The following TWIST2 variants were observed in gnomAD, a reference collection of about 807,000 sequenced individuals.
TWIST2 encodes the protein twist family bHLH transcription factor 2, also known as twist-related protein 2.
TWIST2 carries 1 observed loss-of-function variant against 11.6 expected under a neutral mutation model. The ratio of observed to expected loss-of-function variants is 0.09; its 90% confidence interval spans 0.03 to 0.41. The LOEUF (loss-of-function observed/expected upper bound fraction) is 0.41. Among genes scored for constraint, TWIST2 ranks in the 10% least tolerant of loss-of-function variants. TWIST2 has a pLI of 0.98. For synonymous variants in TWIST2, 87 were observed against 96.6 expected, an observed-to-expected ratio of 0.90 and a Z score of 0.58; for missense variants, 168 against 226.4, an observed-to-expected ratio of 0.74 and a Z score of 1.66.
rs1473372914 is a variant in TWIST2 at position 238,864,138 on chromosome 2, T to C, written c.*35+15405T>C. ...CCTTTGCCAGATGACCAAATCCTTT[T>C]CGGAGAGATGACTGAAATATTTGTA... On this transcript the variant is annotated intron_variant, in intron 1 of 1. Coordinates refer to ENST00000612363, the MANE Select transcript of TWIST2 (RefSeq NM_001271893.4). This position sits in a 1 kb window ranked among gnomAD's most constrained non-coding sequence, Gnocchi z 4.7. Among the ~76,000 whole-genome samples the C allele has an allele frequency of 6.6e-6, 1 of 151,822 alleles. No homozygotes were observed. The highest frequency in any genetic ancestry group is 1.5e-5 in the Non-Finnish European group (1 of 67,990).
intron 1 of TWIST2, among the ~76,000 whole-genome samples, chr2:238,855,330 G>A (rs1426859150): frequency 1.3e-5 from 2 of 152,184 alleles, no homozygotes; most frequent in Non-Finnish European, 2.9e-5. Flanking sequence ...GCATCTACAC[G>A]TCTCTGTTCA....
At position 238,864,096 on chromosome 2, in the gene TWIST2, G is replaced by C. The variant is rs1692484797; in HGVS notation, c.*35+15363G>C. Among the ~76,000 whole-genome samples the C allele has an allele frequency of 6.6e-6, 1 of 152,076 alleles. No homozygotes were observed. The highest frequency in any genetic ancestry group is 1.5e-5 in the Non-Finnish European group (1 of 68,014). On this transcript the variant is annotated intron_variant, in intron 1 of 1. Transcript: ENST00000612363. This position sits in a 1 kb window ranked among gnomAD's most constrained non-coding sequence, Gnocchi z 4.7. ...TGGGCTACATTTGACGCATATTTCT[G>C]GCAAATTCTGGGACCACCTTTGCCA...
rs1693349352 is a variant in TWIST2 at position 238,905,998 on chromosome 2, TGCGTGTGC to T, written c.*36-3842_*36-3835del. Among the ~76,000 whole-genome samples the T allele has an allele frequency of 4.0e-4, 41 of 102,368 alleles. 1 individual carries two copies. Among genetic ancestry groups the T allele is most frequent in the African/African-American group, 2.8e-4 (7 of 24,656 alleles). 67.2% of individuals were successfully genotyped at this position (102,368 alleles called of 152,430 possible). On this transcript the variant is annotated intron_variant, in intron 1 of 1. Transcript: ENST00000612363. ...GCGCGCGCGTGTACGTGCGCGTGTGTGCGTGTGCGTGTGTGGTTTTCATACGCATGGGT... is the reference window on the plus strand; with the variant it reads ...GCGCGCGCGTGTACGTGCGCGTGTGTGTGTGTGGTTTTCATACGCATGGGT...
At chr2:238,907,047 G>A (rs1472116976) in intron 1 of TWIST2, among the ~76,000 whole-genome samples, 1 of 152,224 alleles carries the variant, frequency 6.6e-6, no homozygotes, top group African/African-American at 2.4e-5. Context: ...CCAGGTCGCA[G>A]GGCCAGTCTT....
chr2:238,890,984 G>A (rs925957095), intron 1 of TWIST2, among the ~76,000 whole-genome samples: 1 of 152,194 alleles, frequency 6.6e-6, no homozygotes, highest in Admixed American at 6.5e-5. Flanking sequence ...TTTGTGGGCT[G>A]ATAAGAATCC....
At chr2:238,862,057 C>T (rs927204715) in intron 1 of TWIST2, among the ~76,000 whole-genome samples, 2 of 152,300 alleles carry the variant, frequency 1.3e-5, no homozygotes, top group South Asian at 2.1e-4. Context: ...CAGCTGTGGA[C>T]GGAACACCAC....
rs1414697379 is a variant in TWIST2 at position 238,902,171 on chromosome 2, G to GGT, written c.*36-7657_*36-7656dup. ...TGGCAGAACCTCAGGGGTGTGTAAT[G>GGT]GTGTGTGTGTGTGTGCAAGAGAGAG... On this transcript the variant is annotated intron_variant, in intron 1 of 1. Transcript: ENST00000612363. 2.6e-4 allele frequency among the ~76,000 whole-genome samples: 40 copies of GGT among 151,616 alleles called. No homozygotes were observed. In the South Asian group the frequency reaches 6.1e-3, roughly 23 times the overall value.
rs1574750249 is a variant in TWIST2, at chr2:238,864,040, A to T, written c.*35+15307A>T. Among the ~76,000 whole-genome samples, 2 of 152,150 alleles carry T rather than the reference A, an allele frequency of 1.3e-5. No homozygotes were observed. Among genetic ancestry groups the T allele is most frequent in the Admixed American group, 1.3e-4 (2 of 15,292 alleles). On this transcript the variant is annotated intron_variant, in intron 1 of 1. Coordinates refer to ENST00000612363, the MANE Select transcript of TWIST2 (RefSeq NM_001271893.4). This position sits in a 1 kb window ranked among gnomAD's most constrained non-coding sequence, Gnocchi z 4.7. ...CTTTCAGATTCTTCGCCATAATCTA[A>T]TTTTCGTTAAGCCTGTCTTCCTTTA... is the stretch of plus-strand genomic sequence containing the variant.
chr2:238,898,890 T>C (rs1212991769), intron 1 of TWIST2, among the ~76,000 whole-genome samples: 1 of 152,252 alleles, frequency 6.6e-6, no homozygotes, highest in Non-Finnish European at 1.5e-5. Flanking sequence ...TTTGGAAGCC[T>C]GTAGTCAGGC....
chr2:238,878,407 CCA>C, intron 1 of TWIST2, among the ~76,000 whole-genome samples: 1 of 152,264 alleles, frequency 6.6e-6, no homozygotes, highest in South Asian at 2.1e-4. Context: ...AGTATAAACG[CCA>C]GAGTGTGATG....
chr2:238,877,362 A>G (rs568205219), intron 1 of TWIST2, among the ~76,000 whole-genome samples: 10 of 152,310 alleles, frequency 6.6e-5, no homozygotes, highest in African/African-American at 2.2e-4. Flanking sequence ...AGCAGAAGAT[A>G]AAAGTATTAA....
intron 1 of TWIST2, 69 bp downstream of exon 1, chr2:238,848,802 G>C (rs1692182829): frequency 9.1e-6 from 11 of 1,211,660 alleles, no homozygotes; most frequent in Non-Finnish European, 1.1e-5. Context: ...AGGGGCATTG[G>C]GGCCTGCTCG....
At chr2:238,872,945 A>T (rs1002953486) in intron 1 of TWIST2, among the ~76,000 whole-genome samples, 3 of 152,194 alleles carry the variant, frequency 2.0e-5, no homozygotes, top group Non-Finnish European at 4.4e-5. Flanking sequence ...TGCTGGAGAC[A>T]TAAGAATGAC....
In TWIST2 at chr2:238,864,020, A is replaced by G. The variant is rs550311630; in HGVS notation, c.*35+15287A>G. On this transcript the variant is annotated intron_variant, in intron 1 of 1. Transcript: ENST00000612363. This position sits in a 1 kb window ranked among gnomAD's most constrained non-coding sequence, Gnocchi z 4.7. Reference sequence around the variant, plus strand: ...GGCACAGAATCTCTCATTTCCTTTCAGATTCTTCGCCATAATCTAATTTTC... The same window carrying G: ...GGCACAGAATCTCTCATTTCCTTTCGGATTCTTCGCCATAATCTAATTTTC... 1.4e-4 allele frequency among the ~76,000 whole-genome samples: 21 copies of G among 152,306 alleles called. No homozygotes were observed. In the South Asian group the frequency reaches 4.3e-3, roughly 32 times the overall value.
intron 1 of TWIST2, among the ~76,000 whole-genome samples, chr2:238,893,314 T>G (rs1574766568): frequency 2.9e-4 from 1 of 3,498 alleles, no homozygotes; most frequent in East Asian, 0.062. Flanking sequence ...AAACGGCCTA[T>G]TTTTTTCAAG....
intron 1 of TWIST2, among the ~76,000 whole-genome samples, chr2:238,890,072 G>A (rs1019611485): frequency 1.3e-5 from 2 of 152,210 alleles, no homozygotes; most frequent in African/African-American, 2.4e-5. Flanking sequence ...GGACAGCTGC[G>A]TGGAGGATAC....
At chr2:238,890,932 C>T (rs1693120932) in intron 1 of TWIST2, among the ~76,000 whole-genome samples, 2 of 152,142 alleles carry the variant, frequency 1.3e-5, no homozygotes, top group Admixed American at 1.3e-4. Flanking sequence ...TTCTCAGATG[C>T]CACGGGGTAG....
chr2:238,902,252 AGTTT>A (rs1249896599), intron 1 of TWIST2, among the ~76,000 whole-genome samples: 2 of 144,166 alleles, frequency 1.4e-5, no homozygotes, highest in Non-Finnish European at 3.0e-5. Flanking sequence ...TGTGGTAAGG[AGTTT>A]GTATGAATTG....
At position 238,867,602 on chromosome 2, in the gene TWIST2, C is replaced by T. The variant is rs775636167; in HGVS notation, c.*35+18869C>T. Reference sequence around the variant, plus strand: ...TTTTCACTTTGGCACAGGCCTGGCACGGAGGAGCTGTCAGCAAGCAGGCGT... The same window carrying T: ...TTTTCACTTTGGCACAGGCCTGGCATGGAGGAGCTGTCAGCAAGCAGGCGT... On this transcript the variant is annotated intron_variant, in intron 1 of 1. Coordinates refer to ENST00000612363, the MANE Select transcript of TWIST2 (RefSeq NM_001271893.4). This position sits in a 1 kb window ranked among gnomAD's most constrained non-coding sequence, Gnocchi z 4.8. Among the ~76,000 whole-genome samples, 20 of 152,058 alleles carry T rather than the reference C, an allele frequency of 1.3e-4. No homozygotes were observed. Among genetic ancestry groups the T allele is most frequent in the Non-Finnish European group, 2.4e-4 (16 of 68,032 alleles).
Sources: allele counts gnomAD v4.1 joint callset (sites outside exome capture counted in the v4.1 genomes callset), GRCh38; gene constraint gnomAD v4.1.1; non-coding constraint Gnocchi (gnomAD v3.1); transcripts MANE v1.5; gene names NCBI Gene and HGNC (gene_info 2026-07-23, HGNC 2026-07-21).